The following ATG7 variants were observed in gnomAD, a reference collection of about 807,000 sequenced individuals.
ATG7 encodes the protein autophagy related 7.
Under a neutral mutation model 82.4 loss-of-function variants are expected in ATG7, and 70 were observed. The observed-to-expected ratio is 0.85, with a 90% CI of 0.70 to 1.04. ATG7 has a LOEUF of 1.04. ATG7 is among the 50% of genes least tolerant of loss of function. The pLI is 0.00. For missense variants in ATG7, 792 were observed against 864.3 expected (o/e 0.92, Z 1.05); for synonymous variants, 287 against 313.0 (o/e 0.92, Z 0.88).
the ATG7 span, among the ~76,000 whole-genome samples, chr3:11,573,316 G>A: frequency 0.02 from 414 of 20,454 alleles, 20 homozygotes; most frequent in South Asian, 0.055. Flanking sequence ...AGGAAGGAAG[G>A]AAGAAAGAAA....
At chr3:11,439,071 T>TTC (rs1553666082) in intron 20 of ATG7, among the ~76,000 whole-genome samples, 4 of 143,122 alleles carry the variant, frequency 2.8e-5, no homozygotes, top group Non-Finnish European at 6.1e-5. Context: ...CTTTCTTTCT[T>TTC]TTTTTTTTTT....
chr3:11,392,573 G>A (rs948735643), intron 19 of ATG7, among the ~76,000 whole-genome samples: 2 of 152,076 alleles, frequency 1.3e-5, no homozygotes, highest in Admixed American at 1.3e-4. Context: ...CCCAGGCCCA[G>A]CAAAACCCAC....
At chr3:11,397,808 C>T (rs1403039866) in intron 19 of ATG7, among the ~76,000 whole-genome samples, 14 of 142,902 alleles carry the variant, frequency 9.8e-5, no homozygotes, top group South Asian at 7.4e-4. Flanking sequence ...ATCGGCTGGG[C>T]GCGGTGGCTC....
In ATG7 at chr3:11,465,697, C is replaced by T. The variant is rs531737152; in HGVS notation, c.2079+38771C>T. Reference sequence around the variant, plus strand: ...GAAGGATTGCTTGAACCCAGGAGGTCGTGGCTGCAGTGAGCAGTGATTGCA... The same window carrying T: ...GAAGGATTGCTTGAACCCAGGAGGTTGTGGCTGCAGTGAGCAGTGATTGCA... On this transcript the variant is annotated intron_variant, in intron 20 of 20. Transcript: ENST00000693202. Among the ~76,000 whole-genome samples, 22 of 151,920 alleles carry T rather than the reference C, an allele frequency of 1.4e-4. 1 individual carries two copies. The East Asian group carries it at 2.1e-3, about 15-fold the overall frequency.
intron 20 of ATG7, among the ~76,000 whole-genome samples, chr3:11,481,480 C>A (rs965634447): frequency 6.6e-6 from 1 of 152,156 alleles, no homozygotes; most frequent in African/African-American, 2.4e-5. Context: ...TTTCACATTT[C>A]TTATATTTTA....
intron 19 of ATG7, among the ~76,000 whole-genome samples, chr3:11,421,217 A>G (rs1385827374): frequency 6.6e-6 from 1 of 152,176 alleles, no homozygotes; most frequent in Non-Finnish European, 1.5e-5. Context: ...TCTTAGAAAA[A>G]GACAAGTTTG....
At chr3:11,559,084 G>C (rs891696667), downstream of ATG7, among the ~76,000 whole-genome samples, 24 of 152,236 alleles carry the variant, frequency 1.6e-4, no homozygotes, top group African/African-American at 5.1e-4. Flanking sequence ...TTAAATAACA[G>C]TAGCCGCTGC....
At position 11,551,469 on chromosome 3, in the gene ATG7, G is replaced by A. The variant is rs140236981; in HGVS notation, c.2080-3342G>A. ...TGTGGCTCTATCTACTCCAGTTTAC[G>A]TCTTTCCAGGAGAGATTCTTCTAGG... On this transcript the variant is annotated intron_variant, in intron 20 of 20. Coordinates refer to ENST00000693202, the MANE Select transcript of ATG7 (RefSeq NM_001349232.2). Among the ~76,000 whole-genome samples the A allele has an allele frequency of 3.9e-5, 6 of 152,338 alleles. No homozygotes were observed. The East Asian group carries it at 9.6e-4, about 24-fold the overall frequency.
intron 7 of ATG7, among the ~76,000 whole-genome samples, chr3:11,309,726 C>T (rs1948358492): frequency 6.6e-6 from 1 of 152,074 alleles, no homozygotes. Flanking sequence ...GGCACGTGCA[C>T]ACACACAGCA....
At chr3:11,320,040 A>G (rs1950002671) in intron 9 of ATG7, among the ~76,000 whole-genome samples, 1 of 152,230 alleles carries the variant, frequency 6.6e-6, no homozygotes, top group Admixed American at 6.5e-5. Context: ...ACGGCCTACA[A>G]GAGTCTGTGT....
intron 18 of ATG7, among the ~76,000 whole-genome samples, chr3:11,378,316 C>G (rs1387760485): frequency 6.6e-6 from 1 of 150,886 alleles, no homozygotes; most frequent in Non-Finnish European, 1.5e-5. Context: ...TGTGCCCTGC[C>G]AAATTTTTAA....
At chr3:11,374,677 G>A (rs551290253) in intron 18 of ATG7, among the ~76,000 whole-genome samples, 13 of 152,124 alleles carry the variant, frequency 8.5e-5, no homozygotes, top group Non-Finnish European at 1.3e-4. Context: ...AGTCCGAGGC[G>A]GGCAGATCGT....
intron 19 of ATG7, among the ~76,000 whole-genome samples, chr3:11,388,691 G>T (rs1460491293): frequency 6.6e-6 from 1 of 151,958 alleles, no homozygotes; most frequent in Non-Finnish European, 1.5e-5. Context: ...GCCTCCCAAA[G>T]TGCTGGGATT....
intron 20 of ATG7, among the ~76,000 whole-genome samples, chr3:11,514,752 C>T (rs1269142046): frequency 6.6e-6 from 1 of 152,092 alleles, no homozygotes; most frequent in Non-Finnish European, 1.5e-5. Context: ...TCCCCTGGCA[C>T]AGCACAGTGC....
At chr3:11,287,588 T>C (rs1944297110) in intron 3 of ATG7, among the ~76,000 whole-genome samples, 1 of 152,226 alleles carries the variant, frequency 6.6e-6, no homozygotes, top group Non-Finnish European at 1.5e-5. Context: ...CTGCTTAAGA[T>C]GTAGAATGCT....
downstream of ATG7, chr3:11,558,544 G>A: frequency 6.3e-7 from 1 of 1,597,968 alleles, no homozygotes; most frequent in East Asian, 2.2e-5. Flanking sequence ...GTTGTTGGAG[G>A]AGGCGCTCCC....
At chr3:11,304,193 G>T (rs1947332257) in intron 5 of ATG7, among the ~76,000 whole-genome samples, 1 of 152,242 alleles carries the variant, frequency 6.6e-6, no homozygotes, top group African/African-American at 2.4e-5. Context: ...GGTAGTGAAG[G>T]AAGTAGGAGT....
At chr3:11,446,229 T>C (rs1157801157) in intron 20 of ATG7, among the ~76,000 whole-genome samples, 2 of 151,160 alleles carry the variant, frequency 1.3e-5, no homozygotes, top group African/African-American at 4.9e-5. Context: ...TTAGACCACA[T>C]CTGCACCAGA....
intron 19 of ATG7, among the ~76,000 whole-genome samples, chr3:11,403,524 C>CT (rs1170405520): frequency 3.3e-5 from 5 of 152,204 alleles, no homozygotes; most frequent in African/African-American, 1.2e-4. Flanking sequence ...GAAATGGAAA[C>CT]TAGCAAATGT....
Sources: gnomAD v4.1 joint callset for allele counts (sites outside exome capture counted in the v4.1 genomes callset) on GRCh38, gnomAD v4.1.1 for gene constraint, MANE v1.5 for transcripts, NCBI Gene and HGNC (gene_info 2026-07-23, HGNC 2026-07-21) for gene names.